Variants in CSGALNACT1 observed in about 807,000 individuals in gnomAD.
The protein encoded by CSGALNACT1 is chondroitin sulfate N-acetylgalactosaminyltransferase 1.
CSGALNACT1 carries 52 observed loss-of-function variants against 51.0 expected under a neutral mutation model. That is an observed-to-expected ratio of 1.02 (90% CI 0.82 to 1.29). CSGALNACT1 has a LOEUF of 1.29. Among genes scored for constraint, CSGALNACT1 ranks in the 50% most tolerant of loss-of-function variants. CSGALNACT1 has a pLI of 0.00. For missense variants in CSGALNACT1, 935 were observed against 679.2 expected (o/e 1.38, Z -4.19); for synonymous variants, 341 against 254.4 (o/e 1.34, Z -3.24).
chr8:19,405,686 G>T lies in CSGALNACT1; in HGVS notation c.*94C>A, dbSNP rs774714671. 16 of 1,503,534 alleles carry T rather than the reference G, an allele frequency of 1.1e-5. 1 individual carries two copies. In the South Asian group the frequency reaches 1.8e-4, roughly 17 times the overall value. The allele number at this position is 1,503,534 out of a possible 1,614,324, so 93.1% of individuals were successfully genotyped here. A position where few individuals can be genotyped will look rare whatever the true frequency, so the allele number is the denominator to read the frequency against. The stretch of plus-strand genomic sequence containing the variant: ...TCTGACCCATCAGTCCAATTCTTTT[G>T]TCGTCCTTTATGGAAGTCTTTTCTC... On this transcript the variant is annotated 3_prime_UTR_variant, in exon 10 of 10. Transcript: ENST00000454498.
chr8:19,495,587 C>T (rs1244887971), intron 4 of CSGALNACT1, among the ~76,000 whole-genome samples: 1 of 152,132 alleles, frequency 6.6e-6, no homozygotes. Flanking sequence ...GGAGGGAGCT[C>T]TAAGTCACTA....
At chr8:19,607,202 G>A (rs1045335985), upstream of CSGALNACT1, among the ~76,000 whole-genome samples, 10 of 151,586 alleles carry the variant, frequency 6.6e-5, no homozygotes, top group East Asian at 3.9e-4. Flanking sequence ...GGGACCCTGC[G>A]TGGTCTGGAG....
intron 4 of CSGALNACT1, among the ~76,000 whole-genome samples, chr8:19,501,393 G>A (rs540482468): frequency 3.3e-5 from 5 of 152,232 alleles, no homozygotes; most frequent in Non-Finnish European, 5.9e-5. Flanking sequence ...AACACTTAAT[G>A]CTATCACGTT....
At chr8:19,558,411 T>C (rs868042076) in intron 3 of CSGALNACT1, among the ~76,000 whole-genome samples, 61 of 152,318 alleles carry the variant, frequency 4.0e-4, no homozygotes, top group Middle Eastern at 3.4e-3. Context: ...AGAAACTTCT[T>C]CTTTACAGTT....
At chr8:19,744,517 T>C (rs976810065) in intron 1 of CSGALNACT1, among the ~76,000 whole-genome samples, 6 of 152,194 alleles carry the variant, frequency 3.9e-5, no homozygotes, top group Non-Finnish European at 8.8e-5. Context: ...ACACGTAACA[T>C]GTTGGAAGCC....
chr8:19,610,853 A>T (rs2052150800), intron 1 of CSGALNACT1, among the ~76,000 whole-genome samples: 1 of 152,238 alleles, frequency 6.6e-6, no homozygotes, highest in Non-Finnish European at 1.5e-5. Flanking sequence ...GATCTAACCG[A>T]GCAGGTTAAC....
At chr8:19,448,069 G>A (rs765752643) in intron 5 of CSGALNACT1, among the ~76,000 whole-genome samples, 3 of 152,224 alleles carry the variant, frequency 2.0e-5, no homozygotes, top group Admixed American at 6.5e-5. Flanking sequence ...TGTACAGCCA[G>A]TGGAGGTTGA....
Position 19,563,198 on chromosome 8 carries a change from A to T in CSGALNACT1, c.-297+27962T>A, listed in dbSNP as rs377621075. 2.0e-5 allele frequency among the ~76,000 whole-genome samples: 3 copies of T among 152,272 alleles called. No homozygotes were observed. The South Asian group carries it at 6.2e-4, about 32-fold the overall frequency. ...AGGAACAGAAAGGCAAACACTGCAT[A>T]TTCTCACTACTAAGTGGGAGTTGAA... On this transcript the variant is annotated intron_variant, in intron 3 of 9. Transcript: ENST00000454498.
intron 5 of CSGALNACT1, among the ~76,000 whole-genome samples, chr8:19,445,647 G>A (rs2061989514): frequency 6.6e-6 from 1 of 152,156 alleles, no homozygotes; most frequent in Non-Finnish European, 1.5e-5. Flanking sequence ...AGACATGTCT[G>A]CCCTTGAGTT....
At chr8:19,407,775 G>A (rs796881751) in intron 9 of CSGALNACT1, among the ~76,000 whole-genome samples, 3 of 152,170 alleles carry the variant, frequency 2.0e-5, no homozygotes, top group African/African-American at 7.2e-5. Context: ...TATATGAATT[G>A]TGTGCACATG....
intron 3 of CSGALNACT1, among the ~76,000 whole-genome samples, chr8:19,577,656 G>C (rs190273541): frequency 3.3e-4 from 50 of 151,774 alleles, no homozygotes; most frequent in Non-Finnish European, 5.1e-4. Flanking sequence ...TAGCATGCCA[G>C]ACAACGAAAA....
intron 1 of CSGALNACT1, among the ~76,000 whole-genome samples, chr8:19,670,650 C>CAAAAAAAAAAAAAAAAAAAAAAAAAAA (rs752256046): frequency 3.2e-5 from 3 of 92,848 alleles, no homozygotes; most frequent in Non-Finnish European, 3.8e-5. Flanking sequence ...CTACTGAAGA[C>CAAAAAAAAAAAAAAAAAAAAAAAAAAA]AAAAAAAAAA....
chr8:19,561,106 G>C (rs908351652), intron 3 of CSGALNACT1, among the ~76,000 whole-genome samples: 1 of 152,030 alleles, frequency 6.6e-6, no homozygotes, highest in African/African-American at 2.4e-5. Flanking sequence ...TCAAAAGAGT[G>C]GTGAGATTTT....
At chr8:19,477,446 G>T (rs998476260) in intron 4 of CSGALNACT1, among the ~76,000 whole-genome samples, 1 of 152,130 alleles carries the variant, frequency 6.6e-6, no homozygotes, top group Non-Finnish European at 1.5e-5. Context: ...TCTTACTTTG[G>T]CCATAAAATC....
intron 1 of CSGALNACT1, among the ~76,000 whole-genome samples, chr8:19,700,271 T>C (rs2061793090): frequency 6.6e-6 from 1 of 152,110 alleles, no homozygotes; most frequent in African/African-American, 2.4e-5. Flanking sequence ...TTTCCGGGTG[T>C]GTGATCTTCC....
intron 7 of CSGALNACT1, among the ~76,000 whole-genome samples, chr8:19,420,046 A>T (rs190693552): frequency 1.3e-5 from 2 of 152,286 alleles, no homozygotes; most frequent in East Asian, 3.9e-4. Context: ...TGCTGCCATG[A>T]TAGACTTCCC....
chr8:19,462,900 G>GA (rs1260504148), intron 4 of CSGALNACT1, among the ~76,000 whole-genome samples: 1 of 152,026 alleles, frequency 6.6e-6, no homozygotes, highest in Non-Finnish European at 1.5e-5. Flanking sequence ...TTAGTGTACA[G>GA]ATAATTTTGT....
chr8:19,487,996 A>G (rs920974499), intron 4 of CSGALNACT1, among the ~76,000 whole-genome samples: 7 of 152,080 alleles, frequency 4.6e-5, no homozygotes, highest in Admixed American at 1.3e-4. Context: ...CACCTCACAT[A>G]CTGTAAGCAC....
chr8:19,738,182 A>C (rs2064101636), intron 1 of CSGALNACT1, among the ~76,000 whole-genome samples: 1 of 152,226 alleles, frequency 6.6e-6, no homozygotes, highest in South Asian at 2.1e-4. Flanking sequence ...AGCTATGATC[A>C]CACTACTGTA....
Sources: gnomAD v4.1 joint callset for allele counts (sites outside exome capture counted in the v4.1 genomes callset) on GRCh38, gnomAD v4.1.1 for gene constraint, MANE v1.5 for transcripts, NCBI Gene and HGNC (gene_info 2026-07-23, HGNC 2026-07-21) for gene names.